Variants in KCND2 observed in about 807,000 individuals in gnomAD.
KCND2 encodes potassium voltage-gated channel subfamily D member 2.
Under a neutral mutation model 54.4 loss-of-function variants are expected in KCND2, and 16 were observed. That is an observed-to-expected ratio of 0.29 (90% confidence interval 0.20 to 0.45). The LOEUF is 0.45. Among genes scored for constraint, KCND2 ranks in the 20% least tolerant of loss-of-function variants. The pLI is 1.00. For missense variants in KCND2, 486 were observed against 824.2 expected, an observed-to-expected ratio of 0.59 and a Z score of 5.02; for synonymous variants, 317 against 310.7, an observed-to-expected ratio of 1.02 and a Z score of -0.21.
chr7:120,590,093 C>G (rs914411804), intron 1 of KCND2, among the ~76,000 whole-genome samples: 21 of 152,162 alleles, frequency 1.4e-4, no homozygotes, highest in African/African-American at 5.1e-4. Flanking sequence ...TCGATCTCGG[C>G]TCACTGCAAC....
At chr7:120,620,515 A>G (rs1032082986) in intron 1 of KCND2, among the ~76,000 whole-genome samples, 2 of 152,352 alleles carry the variant, frequency 1.3e-5, no homozygotes, top group Admixed American at 1.3e-4. Context: ...GGCATTTTCC[A>G]ACCAAAATAT....
intron 1 of KCND2, among the ~76,000 whole-genome samples, chr7:120,677,560 T>TAGATATAGATATAGATATAG (rs1477195497): frequency 3.6e-5 from 5 of 137,526 alleles, no homozygotes; most frequent in African/African-American, 1.2e-4. Flanking sequence ...TATATAGATA[T>TAGATATAGATATAGATATAG]ATAGATATAT....
intron 1 of KCND2, among the ~76,000 whole-genome samples, chr7:120,399,082 G>A (rs771982854): frequency 1.6e-4 from 24 of 151,674 alleles, no homozygotes; most frequent in Non-Finnish European, 2.6e-4. Flanking sequence ...ATTATAATAC[G>A]TATGTCTTTG....
At chr7:120,525,874 A>G (rs186817218) in intron 1 of KCND2, among the ~76,000 whole-genome samples, 17 of 152,268 alleles carry the variant, frequency 1.1e-4, no homozygotes, top group Non-Finnish European at 1.9e-4. Context: ...ATTCTCCTTT[A>G]GAAATATTTT....
intron 1 of KCND2, among the ~76,000 whole-genome samples, chr7:120,468,461 G>A (rs766435704): frequency 2.6e-5 from 4 of 151,966 alleles, no homozygotes; most frequent in Non-Finnish European, 2.9e-5. Flanking sequence ...ATGTAGACCC[G>A]TGGCATTCCC....
chr7:120,494,910 T>A (rs955579363), intron 1 of KCND2, among the ~76,000 whole-genome samples: 1 of 152,190 alleles, frequency 6.6e-6, no homozygotes, highest in Non-Finnish European at 1.5e-5. Context: ...GCTTGACCCA[T>A]AATTGTGATT....
intron 1 of KCND2, among the ~76,000 whole-genome samples, chr7:120,316,267 A>AT (rs1275770594): frequency 6.6e-6 from 1 of 152,060 alleles, no homozygotes; most frequent in East Asian, 1.9e-4. Context: ...TAAAACTCCA[A>AT]TTTTGCTTTG....
At chr7:120,629,258 C>CA (rs1377167748) in intron 1 of KCND2, among the ~76,000 whole-genome samples, 1 of 152,212 alleles carries the variant, frequency 6.6e-6, no homozygotes, top group Non-Finnish European at 1.5e-5. Context: ...GAGGCCGAGG[C>CA]AGGCGGATCA....
intron 1 of KCND2, among the ~76,000 whole-genome samples, chr7:120,408,968 G>A (rs985850215): frequency 1.3e-5 from 2 of 151,902 alleles, no homozygotes; most frequent in Non-Finnish European, 2.9e-5. Flanking sequence ...GATATGTCAA[G>A]TATTACTCTG....
chr7:120,418,856 C>G (rs545367281), intron 1 of KCND2, among the ~76,000 whole-genome samples: 1 of 152,248 alleles, frequency 6.6e-6, no homozygotes, highest in Admixed American at 6.5e-5. Flanking sequence ...CAAACAAATA[C>G]ATTGTTTTGA....
At chr7:120,711,166 AGAT>A (rs1173983441) in intron 1 of KCND2, among the ~76,000 whole-genome samples, 1 of 152,156 alleles carries the variant, frequency 6.6e-6, no homozygotes, top group Non-Finnish European at 1.5e-5. Flanking sequence ...ATTAAATAAA[AGAT>A]GACAAATTAG....
At chr7:120,559,849 C>G (rs943823215) in intron 1 of KCND2, among the ~76,000 whole-genome samples, 6 of 151,924 alleles carry the variant, frequency 3.9e-5, no homozygotes, top group African/African-American at 1.5e-4. Context: ...TTCTCTTAAC[C>G]AAGAGAAAAT....
chr7:120,609,030 G>C (rs1408625876), intron 1 of KCND2, among the ~76,000 whole-genome samples: 1 of 152,094 alleles, frequency 6.6e-6, no homozygotes, highest in Non-Finnish European at 1.5e-5. Flanking sequence ...CCCTACTCAG[G>C]CTGGGATATA....
chr7:120,651,458 G>T (rs189050521), intron 1 of KCND2, among the ~76,000 whole-genome samples: 1 of 152,306 alleles, frequency 6.6e-6, no homozygotes, highest in East Asian at 1.9e-4. Flanking sequence ...TGCTAAGACT[G>T]TTGGAAAAGT....
At chr7:120,730,843 C>A (rs1380913832) in intron 1 of KCND2, among the ~76,000 whole-genome samples, 1 of 152,152 alleles carries the variant, frequency 6.6e-6, no homozygotes, top group Non-Finnish European at 1.5e-5. Context: ...TGTTTTCCCA[C>A]AAAACAATGT....
At chr7:120,583,303 C>G (rs962748245) in intron 1 of KCND2, among the ~76,000 whole-genome samples, 1 of 151,940 alleles carries the variant, frequency 6.6e-6, no homozygotes, top group African/African-American at 2.4e-5. Flanking sequence ...ATTTCTATCC[C>G]AAATTTCTAT....
At position 120,481,021 on chromosome 7, in the gene KCND2, G is replaced by A. The variant is rs114250069; in HGVS notation, c.1115+205274G>A. On this transcript the variant is annotated intron_variant, in intron 1 of 5. Coordinates refer to ENST00000331113, the MANE Select transcript of KCND2 (RefSeq NM_012281.3). Reference sequence around the variant, plus strand: ...TCAAAAGAAAAGAAAACTAAGGAACGTCTAAATCTTCTTAGAGATTACTTA... The same window carrying A: ...TCAAAAGAAAAGAAAACTAAGGAACATCTAAATCTTCTTAGAGATTACTTA... 3.7e-3 allele frequency among the ~76,000 whole-genome samples: 569 copies of A among 152,246 alleles called. 2 individuals carry two copies. Among genetic ancestry groups the A allele is most frequent in the African/African-American group, 5.8e-3 (243 of 41,556 alleles).
At chr7:120,514,530 A>G (rs545185855) in intron 1 of KCND2, among the ~76,000 whole-genome samples, 6 of 152,242 alleles carry the variant, frequency 3.9e-5, no homozygotes, top group Admixed American at 6.5e-5. Context: ...CCTATCTAAT[A>G]TAAGTATTTA....
chr7:120,513,410 TTCTC>T (rs1186467543), intron 1 of KCND2, among the ~76,000 whole-genome samples: 1 of 152,184 alleles, frequency 6.6e-6, no homozygotes, highest in Non-Finnish European at 1.5e-5. Flanking sequence ...AACTTTTTAA[TTCTC>T]TATCCCACTT....
Sources: allele counts gnomAD v4.1 joint callset (sites outside exome capture counted in the v4.1 genomes callset), GRCh38; gene constraint gnomAD v4.1.1; transcripts MANE v1.5; gene names NCBI Gene and HGNC (gene_info 2026-07-23, HGNC 2026-07-21).